Variants in CCDC175 observed in about 807,000 individuals in gnomAD.
CCDC175 encodes coiled-coil domain-containing protein 175.
CCDC175 carries 100 observed loss-of-function variants against 114.6 expected under a neutral mutation model. The observed-to-expected ratio is 0.87, with a 90% CI of 0.74 to 1.03. The LOEUF is 1.03. CCDC175 is among the 50% of genes least tolerant of loss of function. The pLI is 0.00. For missense variants in CCDC175, 880 were observed against 917.8 expected (o/e 0.96, Z 0.53); for synonymous variants, 306 against 308.7 (o/e 0.99, Z 0.09).
At chr14:59,511,323 G>T (rs1196524664) in intron 18 of CCDC175, among the ~76,000 whole-genome samples, 3 of 152,106 alleles carry the variant, frequency 2.0e-5, no homozygotes, top group Non-Finnish European at 4.4e-5. Flanking sequence ...TTAGAAAGTG[G>T]CAGAGCCAGG....
chr14:59,527,277 T>C (rs1055223395), intron 14 of CCDC175, 103 bp from the exon 15 acceptor site: 24 of 620,364 alleles, frequency 3.9e-5, no homozygotes, highest in Non-Finnish European at 5.7e-5. Context: ...ACAAGGTTTA[T>C]AACAAAAACC....
intron 7 of CCDC175, among the ~76,000 whole-genome samples, chr14:59,559,974 A>G (rs528123266): frequency 1.3e-5 from 2 of 152,294 alleles, no homozygotes; most frequent in African/African-American, 4.8e-5. Context: ...CATAACAGCT[A>G]GAAATAATTT....
chr14:59,526,860 T>A (rs996367185), intron 15 of CCDC175, among the ~76,000 whole-genome samples: 1 of 152,188 alleles, frequency 6.6e-6, no homozygotes, highest in East Asian at 1.9e-4. Context: ...TCTGTATACA[T>A]ATACACATAA....
Position 59,505,284 on chromosome 14 carries a change from A to T in CCDC175, c.2337T>A (p.His779Gln). ...KKKKHIRTRVHFPVVKCTEKN... is the reference protein window; with the variant it reads ...KKKKHIRTRVQFPVVKCTEKN... ...TCTCAGTACATTTAACCACTGGGAA[A>T]TGAACCCTTGTACGAATGTGTTTCT... Residue 779 changes from histidine to glutamine, a missense_variant, in exon 20 of 20, where the codon CAT becomes CAA. Transcript: ENST00000537690. 6.6e-7 allele frequency: 1 copy of T among 1,510,410 alleles called. No homozygotes were observed. The highest frequency in any genetic ancestry group is 1.3e-5 in the South Asian group (1 of 79,734). 93.6% of individuals were successfully genotyped at this position (1,510,410 alleles called of 1,614,324 possible).
chr14:59,576,559 G>C (rs1897131897), intron 1 of CCDC175, 60 bp downstream of exon 1: 2 of 1,350,566 alleles, frequency 1.5e-6, no homozygotes, highest in Admixed American at 7.5e-5. Context: ...TTCCCGCTGA[G>C]TGCCTCCTAA....
At chr14:59,557,216 C>T (rs1230081295) in intron 7 of CCDC175, among the ~76,000 whole-genome samples, 3 of 152,174 alleles carry the variant, frequency 2.0e-5, no homozygotes, top group South Asian at 2.1e-4. Flanking sequence ...GGAACCAACC[C>T]GGATGTCCAT....
chr14:59,538,925 A>G, intron 11 of CCDC175, 85 bp from the exon 12 acceptor site: 1 of 1,245,456 alleles, frequency 8.0e-7, no homozygotes, highest in East Asian at 2.6e-5. Flanking sequence ...AAAACAAGTC[A>G]TACTATGACT....
At position 59,545,249 on chromosome 14, in the gene CCDC175, C is replaced by G. The variant is rs958913273; in HGVS notation, c.1086G>C (p.Glu362Asp). 5.9e-6 allele frequency: 9 copies of G among 1,536,928 alleles called. No homozygotes were observed. Among genetic ancestry groups the G allele is most frequent in the Non-Finnish European group, 7.8e-6 (9 of 1,146,730 alleles). ...AARMEYKDLR[E>D]KMKTLARQYK... is the part of the protein sequence containing the mutation. ...ATTGTCTGGCAAGAGTTTTCATTTT[C>G]TCTCGTAGGTCTTTGTATTCCATAC... is the stretch of plus-strand genomic sequence containing the variant. The change falls in exon 9 of 20, where the codon GAG (glutamate) becomes GAC (aspartate). Residue 362 changes from glutamate to aspartate, a missense_variant. Coordinates refer to ENST00000537690, the MANE Select transcript of CCDC175 (RefSeq NM_001164399.2).
intron 19 of CCDC175, among the ~76,000 whole-genome samples, chr14:59,508,228 A>T (rs1440109587): frequency 6.7e-6 from 1 of 150,250 alleles, no homozygotes; most frequent in African/African-American, 2.5e-5. Context: ...TTCCAAATAT[A>T]CTCTCTTGTC....
At chr14:59,532,165 C>A (rs1254287405) in intron 13 of CCDC175, among the ~76,000 whole-genome samples, 1 of 152,176 alleles carries the variant, frequency 6.6e-6, no homozygotes, top group African/African-American at 2.4e-5. Flanking sequence ...TGCTTTAAAC[C>A]TCTTCTGCTA....
Position 59,540,674 on chromosome 14 carries a change from C to CAAAA in CCDC175, c.1355_1355+1insTTTT (p.Val453PhefsTer25). On this transcript the variant is annotated frameshift_variant and splice_region_variant. Transcript: ENST00000537690. LOFTEE classifies it high-confidence loss of function. Reference sequence around the variant, plus strand: ...TTTTTTTTTTTTTTTTTTTTTTTTACCATCTCTGACTTTCTCTTTCCAGGT... The same window carrying CAAAA: ...TTTTTTTTTTTTTTTTTTTTTTTTACAAAACATCTCTGACTTTCTCTTTCCAGGT... 1.3e-6 allele frequency: 1 copy of CAAAA among 769,726 alleles called. No homozygotes were observed. The highest frequency in any genetic ancestry group is 3.1e-5 in the African/African-American group (1 of 32,048). 47.7% of individuals were successfully genotyped at this position (769,726 alleles called of 1,614,324 possible). A position where few individuals can be genotyped will look rare whatever the true frequency, so the allele number is the denominator to read the frequency against.
At chr14:59,557,194 T>G (rs1259314381) in intron 7 of CCDC175, among the ~76,000 whole-genome samples, 2 of 152,066 alleles carry the variant, frequency 1.3e-5, no homozygotes, top group African/African-American at 2.4e-5. Flanking sequence ...CTATTCACAA[T>G]AGCAAAGACT....
intron 16 of CCDC175, among the ~76,000 whole-genome samples, chr14:59,522,489 C>A (rs1156354783): frequency 2.6e-5 from 4 of 152,160 alleles, no homozygotes; most frequent in African/African-American, 9.7e-5. Flanking sequence ...AACCGCAAGG[C>A]CACATTCTTG....
intron 8 of CCDC175, among the ~76,000 whole-genome samples, chr14:59,547,059 G>C (rs1322733521): frequency 6.6e-6 from 1 of 151,976 alleles, no homozygotes; most frequent in Non-Finnish European, 1.5e-5. Flanking sequence ...GGGCAACACA[G>C]GGAGAATAGG....
intron 4 of CCDC175, among the ~76,000 whole-genome samples, chr14:59,567,090 C>T (rs1370732374): frequency 2.0e-5 from 3 of 152,182 alleles, no homozygotes; most frequent in Non-Finnish European, 2.9e-5. Context: ...TAGAGAATCA[C>T]TGGTCTATAG....
rs1352921785 is a variant in CCDC175, at chr14:59,574,406, T to C, written c.243+537A>G. ...CAGAAGGAAATTCTTTAAATATTTC[T>C]TCAACATGTCTTTGATAGGGGCCAG... On this transcript the variant is annotated intron_variant, in intron 2 of 19. Transcript: ENST00000537690. Among the ~76,000 whole-genome samples, 3 of 152,364 alleles carry C rather than the reference T, an allele frequency of 2.0e-5. No homozygotes were observed. In the East Asian group the frequency reaches 5.8e-4, roughly 29 times the overall value.
At position 59,527,272 on chromosome 14, in the gene CCDC175, G is replaced by T. The variant is rs938137826; in HGVS notation, c.1763-98C>A. The T allele has an allele frequency of 2.5e-5, 16 of 646,632 alleles. No homozygotes were observed. The East Asian group carries it at 4.7e-4, about 19-fold the overall frequency. The allele number at this position is 646,632 out of a possible 1,614,324, so 40.1% of individuals were successfully genotyped here. A position where few individuals can be genotyped will look rare whatever the true frequency, so the allele number is the denominator to read the frequency against. On this transcript the variant is annotated intron_variant, in intron 14 of 19. Transcript: ENST00000537690. ...TTTAAAAATCAAATTATCTCACAAG[G>T]TTTATAACAAAAACCAACTGTCAGG...
chr14:59,574,617 A>G lies in CCDC175; in HGVS notation c.243+326T>C, dbSNP rs1434553497. 3.3e-5 allele frequency among the ~76,000 whole-genome samples: 5 copies of G among 152,228 alleles called. No homozygotes were observed. The South Asian group carries it at 6.2e-4, about 19-fold the overall frequency. On this transcript the variant is annotated intron_variant, in intron 2 of 19. Coordinates refer to ENST00000537690, the MANE Select transcript of CCDC175 (RefSeq NM_001164399.2). The stretch of plus-strand genomic sequence containing the variant: ...TTTGTTTGTTTTAAGCAATGCTTAT[A>G]TATTGGTGTCCCAAGCATTTGCCCA...
chr14:59,509,867 G>C (rs1892649035), intron 19 of CCDC175, among the ~76,000 whole-genome samples: 2 of 152,120 alleles, frequency 1.3e-5, no homozygotes, highest in African/African-American at 4.8e-5. Context: ...TGCTTATCTA[G>C]TGATTATGCT....
Sources: allele counts gnomAD v4.1 joint callset (sites outside exome capture counted in the v4.1 genomes callset), GRCh38; gene constraint gnomAD v4.1.1; transcripts MANE v1.5; gene names NCBI Gene and HGNC (gene_info 2026-07-23, HGNC 2026-07-21).